The following TMEM245 variants were observed in gnomAD, a reference collection of about 807,000 sequenced individuals.
TMEM245 encodes the protein transmembrane protein 245, also known as protein CG-2.
TMEM245 carries 69 observed loss-of-function variants against 101.2 expected under a neutral mutation model. That is an observed-to-expected ratio of 0.68 (90% CI 0.56 to 0.83). TMEM245 has a LOEUF of 0.83. Among genes scored for constraint, TMEM245 ranks in the 40% least tolerant of loss-of-function variants. The pLI is 0.00. For missense variants in TMEM245, 1,075 were observed against 1,092.8 expected (o/e 0.98, Z 0.23); for synonymous variants, 537 against 449.8 (o/e 1.19, Z -2.45).
rs1830849769 is a variant in TMEM245 at position 109,119,639 on chromosome 9, G to C, written c.275C>G (p.Thr92Ser). The C allele has an allele frequency of 6.4e-7, 1 of 1,563,798 alleles. No homozygotes were observed. Among genetic ancestry groups the C allele is most frequent in the Admixed American group, 1.9e-5 (1 of 52,924 alleles). Residue 92 changes from threonine (T) to serine (S), a missense_variant, in exon 1 of 18, where the codon ACT becomes AGT. Physicochemically the swap from Thr to Ser is moderately conservative, Grantham distance 58. Around this residue, in one of 2 missense-constraint regions of TMEM245, gnomAD observed 808 missense variants for 741.5 expected, o/e 1.09. Transcript: ENST00000374586. ...RPLLWAVLCGTFLHPFKSSLT... is the reference protein window; with the variant it reads ...RPLLWAVLCGSFLHPFKSSLT... ...CGAGCTCTTGAAGGGGTGCAGAAAAGTGCCGCATAGCACGGCCCAGAGCAG... is the reference window on the plus strand; with the variant it reads ...CGAGCTCTTGAAGGGGTGCAGAAAACTGCCGCATAGCACGGCCCAGAGCAG...
In TMEM245 at chr9:109,050,634, A is replaced by G; in HGVS notation, c.1913T>C (p.Val638Ala). 6.2e-7 allele frequency: 1 copy of G among 1,613,638 alleles called. No homozygotes were observed. Among genetic ancestry groups the G allele is most frequent in the Non-Finnish European group, 8.5e-7 (1 of 1,179,908 alleles). The change falls in exon 13 of 18, where the codon GTC becomes GCC. Residue 638 changes from valine (V) to alanine (A), a missense_variant. Physicochemically the swap from Val to Ala is moderately conservative, Grantham distance 64. This residue lies in a region of TMEM245 where 267 missense variants were observed against 351.3 expected (regional missense o/e 0.76). Transcript: ENST00000374586. ...SRNVSLLFTT[V>A]TTLLTILFYS... ...GAAGAGGATGGTCAAGAGTGTAGTG[A>G]CAGTGGTGAACAGCAGGCTCACATT...
At chr9:109,059,615 G>A (rs150635314) in intron 11 of TMEM245, among the ~76,000 whole-genome samples, 75 of 152,256 alleles carry the variant, frequency 4.9e-4, no homozygotes, top group African/African-American at 1.7e-3. Flanking sequence ...CCAAGAGACG[G>A]AGTATGTTAT....
intron 17 of TMEM245, among the ~76,000 whole-genome samples, chr9:109,031,282 C>T (rs1425519888): frequency 6.6e-6 from 1 of 152,070 alleles, no homozygotes; most frequent in African/African-American, 2.4e-5. Flanking sequence ...ACGTTCGTGG[C>T]AAAATAAGAA....
intron 14 of TMEM245, among the ~76,000 whole-genome samples, chr9:109,044,709 T>C (rs1394958224): frequency 6.6e-6 from 1 of 152,068 alleles, no homozygotes; most frequent in Non-Finnish European, 1.5e-5. Flanking sequence ...TAATGTATAG[T>C]AATCAGATAG....
chr9:109,017,576 A>G lies in TMEM245; in HGVS notation c.*2884T>C, dbSNP rs550315250. 5.3e-5 allele frequency: 8 copies of G among 152,304 alleles called. No individual in the cohort carries two copies. The highest frequency in any genetic ancestry group is 1.7e-4 in the African/African-American group (7 of 41,562). The allele number at this position is 152,304 out of a possible 1,614,324, so 9.4% of individuals were successfully genotyped here. A position where few individuals can be genotyped will look rare whatever the true frequency, so the allele number is the denominator to read the frequency against. ...TCCCCTCCCATCCATTCGGTTTACAACTGAATAGCGAATGTGAACTTGAAA... is the reference window on the plus strand; with the variant it reads ...TCCCCTCCCATCCATTCGGTTTACAGCTGAATAGCGAATGTGAACTTGAAA... On this transcript the variant is annotated 3_prime_UTR_variant, in exon 18 of 18. Coordinates refer to ENST00000374586, the MANE Select transcript of TMEM245 (RefSeq NM_032012.4).
At chr9:109,111,186 G>C (rs1382643360) in intron 1 of TMEM245, among the ~76,000 whole-genome samples, 1 of 152,110 alleles carries the variant, frequency 6.6e-6, no homozygotes, top group African/African-American at 2.4e-5. Flanking sequence ...ATTTTCTGTG[G>C]TTCTGAGAGC....
chr9:109,109,472 G>A (rs1040044133), intron 1 of TMEM245, among the ~76,000 whole-genome samples: 3 of 150,616 alleles, frequency 2.0e-5, no homozygotes, highest in Non-Finnish European at 4.4e-5. Context: ...AAGAAACTTC[G>A]AGCTATATAA....
At chr9:109,091,953 A>G (rs561296381) in intron 4 of TMEM245, among the ~76,000 whole-genome samples, 50 of 152,378 alleles carry the variant, frequency 3.3e-4, no homozygotes, top group African/African-American at 1.2e-3. Context: ...TGTTAATTAC[A>G]AAAGTATGTC....
At chr9:109,045,865 G>A (rs1828474195) in intron 14 of TMEM245, among the ~76,000 whole-genome samples, 1 of 152,046 alleles carries the variant, frequency 6.6e-6, no homozygotes, top group Non-Finnish European at 1.5e-5. Context: ...CTCTATTCCA[G>A]TGTTGGGAGA....
At chr9:109,107,398 C>CAA (rs5899836) in intron 2 of TMEM245, among the ~76,000 whole-genome samples, 1 of 100,732 alleles carries the variant, frequency 9.9e-6, no homozygotes. Context: ...GACTCTGTCT[C>CAA]AAAAAAAAAA....
At position 109,090,980 on chromosome 9, in the gene TMEM245, G is replaced by A. The variant is rs1220870899; in HGVS notation, c.1092C>T (p.Val364=). The A allele has an allele frequency of 4.3e-6, 7 of 1,614,036 alleles. No individual in the cohort carries two copies. In the Admixed American group the frequency reaches 5.0e-5, roughly 12 times the overall value. The stretch of plus-strand genomic sequence containing the variant: ...ACAGGTTCAACCAGATCTGCATGAC[G>A]ACAATGGCCCAAACTAGAGACACAA... ...IYFVSLVWAI[V]VMQIWLNLWI... Residue 364 remains valine (V), a synonymous_variant, in exon 5 of 18, where the codon GTC becomes GTT. Coordinates refer to ENST00000374586, the MANE Select transcript of TMEM245 (RefSeq NM_032012.4).
In TMEM245 at chr9:109,056,613, T is replaced by TCAAAA. The variant is rs530419104; in HGVS notation, c.1854+573_1854+577dup. Among the ~76,000 whole-genome samples, 5 of 152,044 alleles carry TCAAAA rather than the reference T, an allele frequency of 3.3e-5. No homozygotes were observed. In the South Asian group the frequency reaches 1.0e-3, roughly 32 times the overall value. ...CCTAGGCAACAGAATGAACTCCGTC[T>TCAAAA]CAAAAAAAAATTAATTAATTTTAAA... On this transcript the variant is annotated intron_variant, in intron 12 of 17. Transcript: ENST00000374586.
intron 14 of TMEM245, among the ~76,000 whole-genome samples, chr9:109,043,020 T>C (rs1286286841): frequency 6.6e-6 from 1 of 151,956 alleles, no homozygotes; most frequent in Non-Finnish European, 1.5e-5. Context: ...TGCCAACCAC[T>C]GTTATGTGCT....
chr9:109,033,437 C>G lies in TMEM245; in HGVS notation c.2464G>C (p.Gly822Arg). The change falls in exon 17 of 18, where the codon GGA becomes CGA. Residue 822 changes from glycine to arginine, a missense_variant. By Grantham distance (125) the Gly-to-Arg change is moderately radical. Transcript: ENST00000374586. ...AGGAYYLGLE[G>R]AIIGPILLCI... is the part of the protein sequence containing the mutation. ...AGAAGAATAGGACCGATGATTGCTC[C>G]TTCCAGGCCTAGGTAGTATGCTCCA... 6.2e-7 allele frequency: 1 copy of G among 1,614,086 alleles called. No individual in the cohort carries two copies. Among genetic ancestry groups the G allele is most frequent in the Non-Finnish European group, 8.5e-7 (1 of 1,179,974 alleles).
At chr9:109,075,765 A>C (rs965646877) in intron 8 of TMEM245, among the ~76,000 whole-genome samples, 5 of 152,100 alleles carry the variant, frequency 3.3e-5, no homozygotes, top group Non-Finnish European at 5.9e-5. Context: ...AAATTTTGTC[A>C]ATTTTATTGA....
intron 14 of TMEM245, among the ~76,000 whole-genome samples, chr9:109,041,453 ATTTTTTTTTTTTTT>A (rs1193341550): frequency 2.4e-5 from 2 of 83,208 alleles, no homozygotes; most frequent in Non-Finnish European, 4.5e-5. Context: ...CATCCTACAA[ATTTTTTTTTTTTTT>A]TTTTTTTTTT....
Position 109,020,427 on chromosome 9 carries a change from C to A in TMEM245, c.*33G>T, listed in dbSNP as rs1476928265. On this transcript the variant is annotated 3_prime_UTR_variant, in exon 18 of 18. Coordinates refer to ENST00000374586, the MANE Select transcript of TMEM245 (RefSeq NM_032012.4). ...AGCTGAACTCGCTGTCAAATTTGAA[C>A]TTCCTAGAAAAATCACTGCAGAGGA... 5 of 1,610,342 alleles carry A rather than the reference C, an allele frequency of 3.1e-6. No individual in the cohort carries two copies. In the Admixed American group the frequency reaches 8.3e-5, roughly 27 times the overall value.
At chr9:109,069,276 A>C (rs1021386394) in intron 9 of TMEM245, among the ~76,000 whole-genome samples, 16 of 152,128 alleles carry the variant, frequency 1.1e-4, no homozygotes, top group Admixed American at 1.0e-3. Flanking sequence ...ATTGACTTCC[A>C]GTACAGAAGA....
chr9:109,083,977 T>A (rs1437586637), intron 7 of TMEM245, among the ~76,000 whole-genome samples: 2 of 140,612 alleles, frequency 1.4e-5, no homozygotes, highest in Non-Finnish European at 1.5e-5. Flanking sequence ...CTTAGGCGGC[T>A]GAGGTGGGAG....
Sources: gnomAD v4.1 joint callset for allele counts (sites outside exome capture counted in the v4.1 genomes callset) on GRCh38, gnomAD v4.1.1 for gene constraint, gnomAD v4.1.1 regional missense constraint, MANE v1.5 for transcripts, NCBI Gene and HGNC (gene_info 2026-07-23, HGNC 2026-07-21) for gene names.